Variants in TMEM272 observed in about 807,000 individuals in gnomAD.
TMEM272 encodes transmembrane protein 272.
Under a neutral mutation model 3.7 loss-of-function variants are expected in TMEM272, and 8 were observed. The ratio of observed to expected loss-of-function variants is 2.17; its 90% CI spans 1.27 to 3.91. The LOEUF (loss-of-function observed/expected upper bound fraction) is 3.91. Ranked by LOEUF, TMEM272 falls within the 30% of genes most tolerant of loss-of-function variation. The pLI, the probability that TMEM272 is intolerant of heterozygous loss-of-function variation, is 0.00. For synonymous variants in TMEM272, 63 were observed against 39.8 expected, an observed-to-expected ratio of 1.58 and a Z score of -2.20; for missense variants, 166 against 91.5, an observed-to-expected ratio of 1.81 and a Z score of -3.32.
chr13:51,864,758 A>C, the TMEM272 span, among the ~76,000 whole-genome samples: 1 of 152,156 alleles, frequency 6.6e-6, no homozygotes, highest in Admixed American at 6.5e-5. Flanking sequence ...ATTGTTCCAT[A>C]TTACTAAATA....
At chr13:51,908,516 T>G in the TMEM272 span, 250 of 1,449,012 alleles carry the variant, frequency 1.7e-4, no homozygotes, top group Admixed American at 5.4e-4. Flanking sequence ...TCGTATCCAC[T>G]GGAAACAATG....
the TMEM272 span, among the ~76,000 whole-genome samples, chr13:51,888,954 T>C: frequency 6.6e-6 from 1 of 152,092 alleles, no homozygotes; most frequent in South Asian, 2.1e-4. Context: ...CAGTTCTAAT[T>C]AATTCTTTTT....
At chr13:51,871,097 C>A in the TMEM272 span, among the ~76,000 whole-genome samples, 1 of 152,126 alleles carries the variant, frequency 6.6e-6, no homozygotes, top group Admixed American at 6.5e-5. Context: ...GTGATTCTCC[C>A]CCTCTGGTAT....
chr13:51,836,222 C>T (rs757014570), intron 2 of TMEM272, among the ~76,000 whole-genome samples: 26 of 152,180 alleles, frequency 1.7e-4, no homozygotes, highest in South Asian at 1.2e-3. Flanking sequence ...CTCTCCCCCA[C>T]GTGCTGCCTT....
the TMEM272 span, chr13:51,909,055 G>A: frequency 5.9e-5 from 87 of 1,480,192 alleles, no homozygotes; most frequent in South Asian, 2.5e-4. Context: ...GATGAAGGCC[G>A]ACCCAATGGT....
At chr13:51,928,479 C>A in the TMEM272 span, among the ~76,000 whole-genome samples, 5 of 152,162 alleles carry the variant, frequency 3.3e-5, no homozygotes, top group African/African-American at 7.2e-5. Context: ...AAGGCTGAAG[C>A]CCCGACTGCA....
chr13:51,831,647 A>T (rs1721958198), intron 2 of TMEM272, among the ~76,000 whole-genome samples: 2 of 152,202 alleles, frequency 1.3e-5, no homozygotes, highest in African/African-American at 4.8e-5. Flanking sequence ...ACAGTCAGGA[A>T]TTGGGGAGCC....
At chr13:51,918,727 G>A in the TMEM272 span, among the ~76,000 whole-genome samples, 1 of 150,752 alleles carries the variant, frequency 6.6e-6, no homozygotes, top group Non-Finnish European at 1.5e-5. Context: ...CCCAGCTCAA[G>A]TATCCTCCCA....
the TMEM272 span, among the ~76,000 whole-genome samples, chr13:51,927,651 T>C: frequency 3.6e-4 from 55 of 152,266 alleles, 1 homozygote; most frequent in East Asian, 7.5e-3. Context: ...CCCTTTACAC[T>C]CACGTCCTCA....
chr13:51,816,561 T>A lies in TMEM272; in HGVS notation c.*190A>T. On this transcript the variant is annotated 3_prime_UTR_variant, in exon 5 of 5. Coordinates refer to ENST00000629372, the MANE Select transcript of TMEM272 (RefSeq NM_001351003.2). ...TTCCCCATGTCTAGGAAGGCAAGAG[T>A]TTCTTTAGTCTGCTATTATATTCAG... is the stretch of plus-strand genomic sequence containing the variant. The A allele has an allele frequency of 2.0e-6, 1 of 508,228 alleles. No homozygotes were observed. Among genetic ancestry groups the A allele is most frequent in the Non-Finnish European group, 3.5e-6 (1 of 285,628 alleles). The allele number at this position is 508,228 out of a possible 1,614,324, so 31.5% of individuals were successfully genotyped here.
the TMEM272 span, among the ~76,000 whole-genome samples, chr13:51,906,764 C>A: frequency 3.3e-5 from 5 of 152,198 alleles, no homozygotes; most frequent in African/African-American, 1.2e-4. Context: ...AGACAGCAAC[C>A]CAAAGCCATG....
At chr13:51,831,116 A>G (rs1197685055) in intron 2 of TMEM272, among the ~76,000 whole-genome samples, 2 of 152,176 alleles carry the variant, frequency 1.3e-5, no homozygotes, top group African/African-American at 4.8e-5. Context: ...GGCGCCTGGA[A>G]ATCTGCATTT....
chr13:51,908,551 G>A, the TMEM272 span: 1 of 1,487,470 alleles, frequency 6.7e-7, no homozygotes, highest in Non-Finnish European at 9.4e-7. Context: ...GCAAGAGGTG[G>A]AGGAACAAAG....
the TMEM272 span, among the ~76,000 whole-genome samples, chr13:51,898,682 G>A: frequency 2.0e-3 from 301 of 150,850 alleles, no homozygotes; most frequent in African/African-American, 6.9e-3. Context: ...TATCCTGGCT[G>A]CACAAAGCCA....
the TMEM272 span, among the ~76,000 whole-genome samples, chr13:51,867,151 C>T: frequency 4.6e-5 from 7 of 152,316 alleles, no homozygotes; most frequent in South Asian, 1.4e-3. Flanking sequence ...ATCAACTTAC[C>T]TCACCGTAGT....
chr13:51,895,137 T>C, the TMEM272 span, among the ~76,000 whole-genome samples: 12 of 152,178 alleles, frequency 7.9e-5, no homozygotes, highest in Admixed American at 5.2e-4. Context: ...ACTCACCTCC[T>C]GCTGTGTGGC....
chr13:51,923,501 A>G, the TMEM272 span, among the ~76,000 whole-genome samples: 1 of 151,988 alleles, frequency 6.6e-6, no homozygotes, highest in African/African-American at 2.4e-5. Flanking sequence ...CAAGCACCAG[A>G]CCCTCAGGCA....
the TMEM272 span, among the ~76,000 whole-genome samples, chr13:51,884,000 T>C: frequency 6.6e-6 from 1 of 152,220 alleles, no homozygotes; most frequent in Admixed American, 6.5e-5. Flanking sequence ...CCCTTTTAGG[T>C]TGGAAGAGTG....
At chr13:51,909,993 T>C in the TMEM272 span, 1 of 1,560,852 alleles carries the variant, frequency 6.4e-7, no homozygotes, top group Middle Eastern at 1.7e-4. Flanking sequence ...ACTCGAAGCA[T>C]CTTGTATTCC....
Sources: allele counts gnomAD v4.1 joint callset (sites outside exome capture counted in the v4.1 genomes callset), GRCh38; gene constraint gnomAD v4.1.1; transcripts MANE v1.5; gene names NCBI Gene and HGNC (gene_info 2026-07-23, HGNC 2026-07-21).